ADARB2: variants seen among roughly 807,000 people sequenced by gnomAD.
ADARB2 encodes the protein inactive double-stranded RNA-specific editase B2.
A neutral mutation model predicts 62.2 loss-of-function variants in ADARB2; 25 were observed. The observed-to-expected ratio is 0.40, with a 90% confidence interval of 0.29 to 0.56. ADARB2 has a LOEUF of 0.56. ADARB2 is among the 20% of genes least tolerant of loss of function. ADARB2 has a pLI of 0.43. For missense variants in ADARB2, 1,071 were observed against 1,077.4 expected, an observed-to-expected ratio of 0.99 and a Z score of 0.08; for synonymous variants, 572 against 500.8, an observed-to-expected ratio of 1.14 and a Z score of -1.90.
chr10:1,333,963 G>A (rs757952296), intron 3 of ADARB2, among the ~76,000 whole-genome samples: 5 of 152,118 alleles, frequency 3.3e-5, no homozygotes, highest in Non-Finnish European at 5.9e-5. Context: ...TTTTACAAAC[G>A]CCCGTAGCCC....
intron 1 of ADARB2, among the ~76,000 whole-genome samples, chr10:1,412,191 G>A (rs896602017): frequency 6.6e-6 from 1 of 152,162 alleles, no homozygotes; most frequent in Admixed American, 6.5e-5. Flanking sequence ...CGGGTTCGGA[G>A]CGTGCTGCAT....
chr10:1,537,153 G>T (rs1385962787), intron 1 of ADARB2, among the ~76,000 whole-genome samples: 1 of 152,242 alleles, frequency 6.6e-6, no homozygotes, highest in East Asian at 1.9e-4. Flanking sequence ...GTCGGCCAAG[G>T]ATATGAACAG....
chr10:1,663,217 G>C (rs1310716764), intron 1 of ADARB2, among the ~76,000 whole-genome samples: 1 of 152,204 alleles, frequency 6.6e-6, no homozygotes, highest in East Asian at 1.9e-4. Context: ...CCGCCTCCTT[G>C]TACACAGTTT....
chr10:1,508,322 C>T (rs1444491227), intron 1 of ADARB2, among the ~76,000 whole-genome samples: 4 of 152,294 alleles, frequency 2.6e-5, no homozygotes, highest in South Asian at 2.1e-4. Flanking sequence ...TCAGAGGCTG[C>T]GTCTGGACCT....
intron 3 of ADARB2, among the ~76,000 whole-genome samples, chr10:1,288,236 C>T (rs535163333): frequency 6.6e-6 from 1 of 152,340 alleles, no homozygotes; most frequent in South Asian, 2.1e-4. Context: ...AAGAATCAAT[C>T]AGAATTTATT....
chr10:1,583,250 T>C (rs779766864), intron 1 of ADARB2, among the ~76,000 whole-genome samples: 11 of 152,206 alleles, frequency 7.2e-5, no homozygotes, highest in Non-Finnish European at 1.6e-4. Flanking sequence ...GATAAGAGGA[T>C]GGCAAGGGGT....
At chr10:1,265,240 A>G (rs764462363) in intron 4 of ADARB2, among the ~76,000 whole-genome samples, 4 of 152,232 alleles carry the variant, frequency 2.6e-5, no homozygotes, top group East Asian at 1.9e-4. Flanking sequence ...GGTTATGTCA[A>G]TCAAACTGAT....
intron 1 of ADARB2, among the ~76,000 whole-genome samples, chr10:1,397,346 A>G (rs866255361): frequency 1.5e-4 from 1 of 6,834 alleles, no homozygotes. Flanking sequence ...CTGGGTCACC[A>G]TCAGCCTCTC....
chr10:1,208,801 C>T (rs1837103995), intron 7 of ADARB2, among the ~76,000 whole-genome samples: 1 of 152,200 alleles, frequency 6.6e-6, no homozygotes, highest in Non-Finnish European at 1.5e-5. Context: ...GGTTCCTGCC[C>T]TCTGGGAGGG....
chr10:1,363,616 G>A lies in ADARB2; in HGVS notation c.489C>T (p.Asn163=), dbSNP rs761357562. 1.2e-6 allele frequency: 2 copies of A among 1,602,588 alleles called. No individual in the cohort carries two copies. The highest frequency in any genetic ancestry group is 1.7e-5 in the Admixed American group (1 of 59,266). ...GGCCTGTGCCCTCGAACGTGAGCCC[G>A]TTCACCTCCACCGCTACCGCGAAGA... ...APVFAVAVEV[N]GLTFEGTGPT... The change falls in exon 3 of 10, where the codon AAC becomes AAT. Residue 163 remains asparagine (N), a synonymous_variant. Coordinates refer to ENST00000381312, the MANE Select transcript of ADARB2 (RefSeq NM_018702.4).
At chr10:1,366,552 T>A (rs2131852517) in intron 2 of ADARB2, among the ~76,000 whole-genome samples, 1 of 152,328 alleles carries the variant, frequency 6.6e-6, no homozygotes, top group East Asian at 1.9e-4. Flanking sequence ...GGGAGGGTAT[T>A]AATGTCCGAT....
At chr10:1,442,580 C>T (rs535644644) in intron 1 of ADARB2, among the ~76,000 whole-genome samples, 1 of 152,290 alleles carries the variant, frequency 6.6e-6, no homozygotes, top group South Asian at 2.1e-4. Flanking sequence ...TCCAGGCTCA[C>T]CCAAGTGCTA....
chr10:1,469,277 C>T (rs1436400055), intron 1 of ADARB2, among the ~76,000 whole-genome samples: 6 of 152,336 alleles, frequency 3.9e-5, no homozygotes, highest in African/African-American at 1.2e-4. Context: ...CGGGAGGTCA[C>T]GGCCTTCCCT....
At position 1,326,786 on chromosome 10, in the gene ADARB2, T is replaced by TCCCCACG. The variant is rs1831853297; in HGVS notation, c.1077+36241_1077+36242insCGTGGGG. Among the ~76,000 whole-genome samples, 6 of 54,344 alleles carry TCCCCACG rather than the reference T, an allele frequency of 1.1e-4. 1 individual carries two copies. The highest frequency in any genetic ancestry group is 1.7e-4 in the African/African-American group (3 of 17,728). 35.7% of individuals were successfully genotyped at this position (54,344 alleles called of 152,430 possible). On this transcript the variant is annotated intron_variant, in intron 3 of 9. Transcript: ENST00000381312. ...CTCTGGTAGCACAGCCCCTCCTCAC[T>TCCCCACG]GCCCAGCGCCTCCCCACGGCCCAGC...
At chr10:1,247,686 A>G (rs1182690777) in intron 4 of ADARB2, among the ~76,000 whole-genome samples, 2 of 152,120 alleles carry the variant, frequency 1.3e-5, no homozygotes, top group Non-Finnish European at 2.9e-5. Context: ...AAAAACAGAA[A>G]CGGCACCAAC....
chr10:1,646,767 G>C (rs537273621), intron 1 of ADARB2, among the ~76,000 whole-genome samples: 14 of 152,228 alleles, frequency 9.2e-5, no homozygotes, highest in Non-Finnish European at 1.8e-4. Flanking sequence ...GGGGGTGTGT[G>C]ATGTGCTATT....
chr10:1,564,008 A>G lies in ADARB2; in HGVS notation c.100+173043T>C, dbSNP rs1832824981. 4.7e-5 allele frequency among the ~76,000 whole-genome samples: 7 copies of G among 149,982 alleles called. No homozygotes were observed. The South Asian group carries it at 1.3e-3, about 28-fold the overall frequency. On this transcript the variant is annotated intron_variant, in intron 1 of 9. Transcript: ENST00000381312. ...GTATTCCATGGTGTATATGTGCCAC[A>G]TTTTCTTAATCCAGTCTATCATTGT...
At chr10:1,384,203 C>T (rs1186044827) in intron 1 of ADARB2, among the ~76,000 whole-genome samples, 1 of 152,218 alleles carries the variant, frequency 6.6e-6, no homozygotes, top group Non-Finnish European at 1.5e-5. Flanking sequence ...TGCAGAGGAA[C>T]ATTCCCTCAT....
chr10:1,733,637 A>C (rs1421778709), intron 1 of ADARB2, among the ~76,000 whole-genome samples: 2 of 149,552 alleles, frequency 1.3e-5, no homozygotes, highest in Non-Finnish European at 3.0e-5. Flanking sequence ...GGATATTAAC[A>C]AAAAAAACCC....
Sources: allele counts gnomAD v4.1 joint callset (sites outside exome capture counted in the v4.1 genomes callset), GRCh38; gene constraint gnomAD v4.1.1; transcripts MANE v1.5; gene names NCBI Gene and HGNC (gene_info 2026-07-23, HGNC 2026-07-21).